The following TNRC6C variants were observed in gnomAD, a reference collection of about 807,000 sequenced individuals.
The protein encoded by TNRC6C is trinucleotide repeat-containing gene 6C protein.
In TNRC6C, 20 loss-of-function variants were observed where a neutral mutation model predicts 153.7. The ratio of observed to expected loss-of-function variants is 0.13; its 90% CI spans 0.09 to 0.19. The LOEUF (loss-of-function observed/expected upper bound fraction) is 0.19, where lower values mean the gene tolerates loss of function less well. TNRC6C is among the 10% of genes least tolerant of loss of function. The pLI, the probability that TNRC6C is intolerant of heterozygous loss-of-function variation, is 1.00. For missense variants in TNRC6C, 1,987 were observed against 2,172.0 expected, an observed-to-expected ratio of 0.91 and a Z score of 1.69; for synonymous variants, 811 against 841.4, an observed-to-expected ratio of 0.96 and a Z score of 0.63.
chr17:78,068,067 CA>C (rs1598752712), intron 5 of TNRC6C, 144 bp downstream of exon 7: 1 of 898,100 alleles, frequency 1.1e-6, no homozygotes, highest in East Asian at 2.8e-5. Context: ...GAGACCCTTT[CA>C]GGGGAGTAAG....
intron 4 of TNRC6C, chr17:78,066,383 G>A (rs981191363): frequency 6.6e-6 from 1 of 151,720 alleles, no homozygotes; most frequent in Admixed American, 6.6e-5. Context: ...GCTAATACTC[G>A]ATAGTATGTT....
At position 77,993,840 on chromosome 17, in the gene TNRC6C, G is replaced by T. The variant is rs150582119; in HGVS notation, c.-37-10330G>T. On this transcript the variant is annotated intron_variant, in intron 1 of 22. Coordinates refer to the TNRC6C transcript ENST00000636222. Reference sequence around the variant, plus strand: ...AATATTGACAAGCTTCTTGGTACCTGTGGGGGTTGTTTCCTGCAGCAATAT... The same window carrying T: ...AATATTGACAAGCTTCTTGGTACCTTTGGGGGTTGTTTCCTGCAGCAATAT... 6.5e-3 allele frequency among the ~76,000 whole-genome samples: 986 copies of T among 152,100 alleles called. 11 individuals carry two copies. The highest frequency in any genetic ancestry group is 0.022 in the African/African-American group (932 of 41,480).
intron 1 of TNRC6C, among the ~76,000 whole-genome samples, chr17:77,977,872 T>G (rs536552505): frequency 1.7e-4 from 26 of 151,476 alleles, no homozygotes; most frequent in African/African-American, 5.8e-4. Flanking sequence ...TCAGTATCAG[T>G]ATTTTTTCTT....
At chr17:78,001,100 T>C (rs1567908155), upstream of TNRC6C, among the ~76,000 whole-genome samples, 2 of 152,214 alleles carry the variant, frequency 1.3e-5, no homozygotes, top group African/African-American at 2.4e-5. Context: ...CTCCAAAATA[T>C]GAGTGTTGCT....
intron 1 of TNRC6C, among the ~76,000 whole-genome samples, chr17:78,029,232 A>T (rs1292015620): frequency 6.6e-6 from 1 of 152,208 alleles, no homozygotes. Context: ...TAGTACGATC[A>T]TACCTTGCTT....
At chr17:78,058,391 G>A (rs1450518004) in intron 3 of TNRC6C, among the ~76,000 whole-genome samples, 4 of 152,338 alleles carry the variant, frequency 2.6e-5, no homozygotes, top group African/African-American at 9.6e-5. Flanking sequence ...ACACACAAGA[G>A]AACATTGAAT....
At chr17:78,071,605 C>T (rs536652474) in intron 6 of TNRC6C, among the ~76,000 whole-genome samples, 1 of 152,214 alleles carries the variant, frequency 6.6e-6, no homozygotes, top group East Asian at 1.9e-4. Flanking sequence ...CCAGGCTGGT[C>T]TCGAACACCT....
intron 2 of TNRC6C, among the ~76,000 whole-genome samples, chr17:78,043,632 T>A (rs2072345134): frequency 1.3e-5 from 2 of 152,204 alleles, no homozygotes; most frequent in African/African-American, 2.4e-5. Flanking sequence ...TATTTTTAGC[T>A]ATAGTAAGCC....
At chr17:78,016,887 C>G (rs909465416) in intron 1 of TNRC6C, among the ~76,000 whole-genome samples, 2 of 152,178 alleles carry the variant, frequency 1.3e-5, no homozygotes, top group African/African-American at 2.4e-5. Flanking sequence ...TTTATCCCCC[C>G]GCCCTTGCCC....
chr17:78,029,890 C>T (rs1263106098), intron 1 of TNRC6C, among the ~76,000 whole-genome samples: 2 of 151,930 alleles, frequency 1.3e-5, no homozygotes, highest in African/African-American at 2.4e-5. Flanking sequence ...TCTTCCACCT[C>T]CACATCTTGT....
At chr17:78,096,399 A>G (rs2073486904) in intron 16 of TNRC6C, among the ~76,000 whole-genome samples, 1 of 152,100 alleles carries the variant, frequency 6.6e-6, no homozygotes. Flanking sequence ...CTGCACATGG[A>G]CTCCCTGAAC....
intron 3 of TNRC6C, 105 bp downstream of exon 5, chr17:78,051,553 T>C (rs1414786803): frequency 1.1e-5 from 13 of 1,192,694 alleles, no homozygotes; most frequent in East Asian, 2.8e-5. Context: ...TTATAGCAAA[T>C]AGCATTAAAA....
At chr17:77,961,727 G>GT (rs1321063476) in intron 1 of TNRC6C, among the ~76,000 whole-genome samples, 1 of 152,186 alleles carries the variant, frequency 6.6e-6, no homozygotes, top group Non-Finnish European at 1.5e-5. Context: ...GGAGTAAATA[G>GT]TTGCCTTTAG....
At chr17:78,023,802 G>A (rs2071881493) in intron 1 of TNRC6C, among the ~76,000 whole-genome samples, 1 of 148,856 alleles carries the variant, frequency 6.7e-6, no homozygotes, top group Non-Finnish European at 1.5e-5. Flanking sequence ...GTGAGACCCT[G>A]TCTCAAAAAA....
chr17:78,098,850 C>T (rs754045452), intron 17 of TNRC6C, among the ~76,000 whole-genome samples: 2 of 152,230 alleles, frequency 1.3e-5, no homozygotes, highest in Non-Finnish European at 2.9e-5. Context: ...CTGCCCCACA[C>T]TGGGCCATCA....
At position 78,102,008 on chromosome 17, in the gene TNRC6C, G is replaced by C. The variant is rs1459166333; in HGVS notation, c.4502-466G>C. Among the ~76,000 whole-genome samples, 3 of 152,332 alleles carry C rather than the reference G, an allele frequency of 2.0e-5. No homozygotes were observed. In the East Asian group the frequency reaches 5.8e-4, roughly 29 times the overall value. On this transcript the variant is annotated intron_variant, in intron 17 of 19. Transcript: ENST00000301624. ...TTACAATTCAAGATGAGATTTGGAT[G>C]GGGACACAGCCAAACCGTATCAGAT...
intron 1 of TNRC6C, among the ~76,000 whole-genome samples, chr17:77,973,946 A>G (rs2070962951): frequency 6.6e-6 from 1 of 151,692 alleles, no homozygotes; most frequent in African/African-American, 2.4e-5. Flanking sequence ...CTCTATCAAA[A>G]TCCCAGAAGG....
chr17:78,069,255 T>C (rs1431038174), intron 5 of TNRC6C, among the ~76,000 whole-genome samples: 1 of 151,596 alleles, frequency 6.6e-6, no homozygotes, highest in Admixed American at 6.6e-5. Flanking sequence ...GAGCACAGAA[T>C]GTGAAGAGTA....
At chr17:78,083,428 C>G (rs527293195) in intron 11 of TNRC6C, among the ~76,000 whole-genome samples, 1 of 152,318 alleles carries the variant, frequency 6.6e-6, no homozygotes, top group Admixed American at 6.5e-5. Context: ...TCTGGAACTC[C>G]TGGACTCAAG....
Sources: gnomAD v4.1 joint callset for allele counts (sites outside exome capture counted in the v4.1 genomes callset) on GRCh38, gnomAD v4.1.1 for gene constraint, MANE v1.5 for transcripts, NCBI Gene and HGNC (gene_info 2026-07-23, HGNC 2026-07-21) for gene names.